Variants in PTPN14 observed in about 807,000 individuals in gnomAD.
PTPN14 encodes the protein protein tyrosine phosphatase non-receptor type 14, also known as tyrosine-protein phosphatase non-receptor type 14.
A neutral mutation model predicts 126.8 loss-of-function variants in PTPN14; 53 were observed. That is an observed-to-expected ratio of 0.42 (90% CI 0.34 to 0.53). PTPN14 has a LOEUF of 0.53. Ranked by LOEUF, PTPN14 falls within the 20% of genes least tolerant of loss-of-function variation. The probability of loss-of-function intolerance (pLI) is 0.08; values close to 1 mark genes in which losing one functional copy is unlikely to be tolerated. For synonymous variants in PTPN14, 630 were observed against 599.3 expected, an observed-to-expected ratio of 1.05 and a Z score of -0.75; for missense variants, 1,257 against 1,552.9, an observed-to-expected ratio of 0.81 and a Z score of 3.20.
chr1:214,462,029 A>G (rs774322199), intron 2 of PTPN14, among the ~76,000 whole-genome samples: 1 of 152,200 alleles, frequency 6.6e-6, no homozygotes, highest in Non-Finnish European at 1.5e-5. Flanking sequence ...AGATTACTCT[A>G]TCTGATCCTT....
intron 1 of PTPN14, among the ~76,000 whole-genome samples, chr1:214,500,201 C>T (rs1233345168): frequency 6.6e-6 from 1 of 151,890 alleles, no homozygotes; most frequent in Non-Finnish European, 1.5e-5. Context: ...TAAGACATAC[C>T]CACATGGGTC....
chr1:214,382,084 G>A (rs1658485542), intron 13 of PTPN14, among the ~76,000 whole-genome samples: 1 of 152,194 alleles, frequency 6.6e-6, no homozygotes, highest in East Asian at 1.9e-4. Context: ...TGTATTTTTA[G>A]TACTGATGGG....
At chr1:214,505,182 G>GAAAA (rs59339685) in intron 1 of PTPN14, among the ~76,000 whole-genome samples, 1 of 144,552 alleles carries the variant, frequency 6.9e-6, no homozygotes, top group African/African-American at 2.5e-5. Flanking sequence ...ACCCGCCAGG[G>GAAAA]AAAAAAAAAA....
chr1:214,517,861 C>T (rs1435179074), intron 1 of PTPN14, among the ~76,000 whole-genome samples: 10 of 152,260 alleles, frequency 6.6e-5, no homozygotes, highest in Middle Eastern at 3.4e-3. Flanking sequence ...GGGAGTATCA[C>T]TTGAGCCTGG....
chr1:214,492,423 T>C (rs76370783), intron 1 of PTPN14, among the ~76,000 whole-genome samples: 229 of 152,356 alleles, frequency 1.5e-3, no homozygotes, highest in African/African-American at 5.3e-3. Flanking sequence ...GAGACACACA[T>C]ATAACACTGA....
In PTPN14 at chr1:214,384,189, C is replaced by T. The variant is rs760136630; in HGVS notation, c.1666G>A (p.Ala556Thr). 9 of 1,606,670 alleles carry T rather than the reference C, an allele frequency of 5.6e-6. No homozygotes were observed. Among genetic ancestry groups the T allele is most frequent in the Non-Finnish European group, 7.6e-6 (9 of 1,177,350 alleles). ...AAGAGATAGTTCTTAAGCATGTGGG[C>T]CGTGCTGTAGTTATGGCTGCCCTGC... Reference protein sequence around the residue: ...QLQGSHNYSTAHMLKNYLFRP... With the variant: ...QLQGSHNYSTTHMLKNYLFRP... Residue 556 changes from alanine to threonine, a missense_variant, in exon 13 of 19, where the codon GCC becomes ACC. This residue lies in a region of PTPN14 where 1,021 missense variants were observed against 1,183.3 expected (regional missense o/e 0.86). Transcript: ENST00000366956. This position sits in a 1 kb window ranked among gnomAD's most constrained non-coding sequence, Gnocchi z 5.3.
intron 3 of PTPN14, among the ~76,000 whole-genome samples, chr1:214,446,486 C>T (rs1660144806): frequency 6.6e-6 from 1 of 152,144 alleles, no homozygotes; most frequent in Admixed American, 6.5e-5. Flanking sequence ...TCAAAAAAAG[C>T]AGTGCCTCCT....
intron 1 of PTPN14, among the ~76,000 whole-genome samples, chr1:214,511,156 A>G (rs1194439379): frequency 2.6e-5 from 4 of 152,134 alleles, no homozygotes; most frequent in Admixed American, 2.6e-4. Flanking sequence ...CACTAGGATT[A>G]CAAGGCATAA....
At chr1:214,405,587 T>C (rs1659146435) in intron 5 of PTPN14, among the ~76,000 whole-genome samples, 2 of 151,592 alleles carry the variant, frequency 1.3e-5, no homozygotes, top group Non-Finnish European at 2.9e-5. Flanking sequence ...GCCTGCACTC[T>C]GTCTGCTCAC....
chr1:214,472,273 G>C (rs1660776222), intron 1 of PTPN14, among the ~76,000 whole-genome samples: 1 of 152,016 alleles, frequency 6.6e-6, no homozygotes, highest in Non-Finnish European at 1.5e-5. Flanking sequence ...AGATCTAGTT[G>C]TTGTAAAGTC....
At chr1:214,418,563 T>C (rs1261641220) in intron 3 of PTPN14, among the ~76,000 whole-genome samples, 1 of 152,198 alleles carries the variant, frequency 6.6e-6, no homozygotes, top group Non-Finnish European at 1.5e-5. Flanking sequence ...AACCACCAAT[T>C]TCACTGAAGT....
At chr1:214,435,389 A>C (rs1330402651) in intron 3 of PTPN14, among the ~76,000 whole-genome samples, 5 of 152,134 alleles carry the variant, frequency 3.3e-5, no homozygotes, top group Non-Finnish European at 5.9e-5. Context: ...TCTAGTTATA[A>C]TTATGTTATA....
chr1:214,495,663 T>TTTTA (rs869249183), intron 1 of PTPN14, among the ~76,000 whole-genome samples: 317 of 3,610 alleles, frequency 0.088, 1 homozygote, highest in Admixed American at 0.13. Flanking sequence ...ATTTTATTTT[T>TTTTA]TTTATTTATT....
chr1:214,478,569 T>C (rs1332917747), intron 1 of PTPN14, among the ~76,000 whole-genome samples: 1 of 152,174 alleles, frequency 6.6e-6, no homozygotes, highest in African/African-American at 2.4e-5. Context: ...AAAAAAACCT[T>C]AATCACCTAA....
chr1:214,372,519 A>C (rs1658242304), intron 16 of PTPN14, 192 bp downstream of exon 16: 1 of 783,824 alleles, frequency 1.3e-6, no homozygotes. Context: ...AGCTACAACA[A>C]TCAATTATCT....
At chr1:214,413,038 T>C (rs960497785) in intron 4 of PTPN14, among the ~76,000 whole-genome samples, 5 of 151,794 alleles carry the variant, frequency 3.3e-5, no homozygotes, top group African/African-American at 4.9e-5. Flanking sequence ...CTGGGCTAAT[T>C]TTTTATTTTT....
chr1:214,404,378 C>G (rs1054546702), intron 5 of PTPN14, among the ~76,000 whole-genome samples: 1 of 152,032 alleles, frequency 6.6e-6, no homozygotes, highest in Non-Finnish European at 1.5e-5. Flanking sequence ...GACTCAAGTC[C>G]GTGATAGGAA....
chr1:214,429,075 G>C (rs939302116), intron 3 of PTPN14, among the ~76,000 whole-genome samples: 4 of 152,010 alleles, frequency 2.6e-5, no homozygotes, highest in Non-Finnish European at 5.9e-5. Context: ...CCCAAATATT[G>C]CCTCACTTTT....
chr1:214,520,063 A>AT (rs1173435556), intron 1 of PTPN14, among the ~76,000 whole-genome samples: 4,384 of 77,546 alleles, frequency 0.057, 104 homozygotes, highest in Middle Eastern at 0.075. Context: ...AAAAAAAAAA[A>AT]AAATATATAT....
Sources: gnomAD v4.1 joint callset for allele counts (sites outside exome capture counted in the v4.1 genomes callset) on GRCh38, gnomAD v4.1.1 for gene constraint, gnomAD v4.1.1 regional missense constraint, Gnocchi (gnomAD v3.1) non-coding constraint, MANE v1.5 for transcripts, NCBI Gene and HGNC (gene_info 2026-07-23, HGNC 2026-07-21) for gene names.